Variants in AKT3 observed in about 807,000 individuals in gnomAD.
AKT3 encodes AKT serine/threonine kinase 3, also known as RAC-gamma serine/threonine-protein kinase.
In AKT3, 15 loss-of-function variants were observed where a neutral mutation model predicts 65.3. That is an observed-to-expected ratio of 0.23 (90% CI 0.15 to 0.35). The LOEUF is 0.35. Among genes scored for constraint, AKT3 ranks in the 10% least tolerant of loss-of-function variants. AKT3 has a pLI of 1.00. For synonymous variants in AKT3, 206 were observed against 183.8 expected (o/e 1.12, Z -0.98); for missense variants, 243 against 576.5 (o/e 0.42, Z 5.92).
intron 3 of AKT3, among the ~76,000 whole-genome samples, chr1:243,685,595 T>C (rs940804395): frequency 1.3e-5 from 2 of 152,152 alleles, no homozygotes; most frequent in African/African-American, 4.8e-5. Flanking sequence ...TGTAGTATAG[T>C]ATGAAGTCAG....
chr1:243,521,273 TGCC>T (rs1420955607), intron 12 of AKT3, among the ~76,000 whole-genome samples: 1 of 152,194 alleles, frequency 6.6e-6, no homozygotes, highest in Admixed American at 6.5e-5. Flanking sequence ...AGTAAAGAAT[TGCC>T]AACACTATTG....
At chr1:243,721,823 A>G (rs1454342865) in intron 2 of AKT3, among the ~76,000 whole-genome samples, 1 of 152,150 alleles carries the variant, frequency 6.6e-6, no homozygotes, top group Non-Finnish European at 1.5e-5. Flanking sequence ...AGTATTAGAT[A>G]ACACTCCTGT....
intron 2 of AKT3, among the ~76,000 whole-genome samples, chr1:243,813,637 T>C (rs1693328974): frequency 6.6e-6 from 1 of 152,112 alleles, no homozygotes; most frequent in African/African-American, 2.4e-5. Context: ...TTTTAAAAAA[T>C]TTATAAACTT....
At chr1:243,716,723 T>A (rs532822661) in intron 2 of AKT3, among the ~76,000 whole-genome samples, 1 of 152,186 alleles carries the variant, frequency 6.6e-6, no homozygotes, top group Non-Finnish European at 1.5e-5. Context: ...ATAATGATGT[T>A]GTGGAAAAAA....
At chr1:243,595,279 T>C (rs1371763092) in intron 8 of AKT3, among the ~76,000 whole-genome samples, 1 of 152,096 alleles carries the variant, frequency 6.6e-6, no homozygotes, top group Non-Finnish European at 1.5e-5. Context: ...ATATAGAAGA[T>C]TTAAAAACGA....
intron 2 of AKT3, among the ~76,000 whole-genome samples, chr1:243,819,697 AC>A (rs145050503): frequency 6.6e-6 from 1 of 151,296 alleles, no homozygotes; most frequent in Non-Finnish European, 1.5e-5. Context: ...ACTGAGAGAG[AC>A]CCCCCCAACA....
In AKT3 at chr1:243,544,487, T is replaced by G. The variant is rs548836962; in HGVS notation, c.1251+1023A>C. On this transcript the variant is annotated intron_variant, in intron 12 of 13. Coordinates refer to ENST00000673466, the MANE Select transcript of AKT3 (RefSeq NM_005465.7). ...CAAAAACGTAGGCAGGTATGGTGGC[T>G]CATGCCTGCAGTCCGAGCTACTTGG... Among the ~76,000 whole-genome samples the G allele has an allele frequency of 1.5e-3, 225 of 151,964 alleles. 1 individual carries two copies. Among genetic ancestry groups the G allele is most frequent in the Non-Finnish European group, 2.6e-3 (178 of 67,948 alleles).
At chr1:243,712,032 C>G (rs1686193952) in intron 2 of AKT3, among the ~76,000 whole-genome samples, 1 of 152,186 alleles carries the variant, frequency 6.6e-6, no homozygotes, top group South Asian at 2.1e-4. Context: ...ATCCTGACCA[C>G]TGACAAACCA....
Position 243,613,684 on chromosome 1 carries a change from A to C in AKT3, c.683T>G (p.Val228Gly). The change falls in exon 8 of 14, where the codon GTT (valine) becomes GGT (glycine). Residue 228 changes from valine to glycine, a missense_variant. Val to Gly is a moderately radical substitution (Grantham distance 109, BLOSUM62 -3). This residue lies in a region of AKT3 where 61 missense variants were observed against 163.3 expected (regional missense o/e 0.37). Transcript: ENST00000673466. ...TTCTTGACTCACCTCGCCCCCATTA[A>C]CATATTCCATCACAAAACACAAACG... ...KDRLCFVMEY[V>G]NGGELFFHLS... 6.3e-7 allele frequency: 1 copy of C among 1,595,664 alleles called. No homozygotes were observed. The highest frequency in any genetic ancestry group is 8.5e-7 in the Non-Finnish European group (1 of 1,170,072).
At chr1:243,713,915 GTA>G (rs1686321812) in intron 2 of AKT3, among the ~76,000 whole-genome samples, 1 of 152,020 alleles carries the variant, frequency 6.6e-6, no homozygotes, top group Non-Finnish European at 1.5e-5. Flanking sequence ...GGCTCACACA[GTA>G]ATTAGTATAA....
intron 12 of AKT3, among the ~76,000 whole-genome samples, chr1:243,536,290 A>G (rs1355992863): frequency 1.3e-5 from 2 of 152,150 alleles, no homozygotes; most frequent in South Asian, 2.1e-4. Flanking sequence ...TAAGTCACAC[A>G]TTCTTTGCCT....
intron 2 of AKT3, among the ~76,000 whole-genome samples, chr1:243,793,040 C>A (rs1479356229): frequency 6.6e-6 from 1 of 152,182 alleles, no homozygotes; most frequent in Non-Finnish European, 1.5e-5. Context: ...CTGTGCAAAT[C>A]AGGAGTAACA....
intron 2 of AKT3, among the ~76,000 whole-genome samples, chr1:243,718,708 C>T (rs1013667648): frequency 1.1e-4 from 16 of 151,916 alleles, no homozygotes; most frequent in Admixed American, 6.6e-4. Flanking sequence ...CTCCTGACCT[C>T]GTGATCTGCC....
chr1:243,806,792 T>C (rs1207967007), intron 2 of AKT3, among the ~76,000 whole-genome samples: 2 of 152,210 alleles, frequency 1.3e-5, no homozygotes, highest in African/African-American at 4.8e-5. Context: ...TATGCATACA[T>C]GGAACTCAAA....
chr1:243,710,981 T>C (rs999519879), intron 2 of AKT3, among the ~76,000 whole-genome samples: 1 of 152,156 alleles, frequency 6.6e-6, no homozygotes, highest in Non-Finnish European at 1.5e-5. Context: ...CAAAATAAAC[T>C]GAGGTTACTT....
At chr1:243,810,474 A>G (rs1355068288) in intron 2 of AKT3, among the ~76,000 whole-genome samples, 1 of 152,232 alleles carries the variant, frequency 6.6e-6, no homozygotes, top group Non-Finnish European at 1.5e-5. Context: ...AGACTAAACC[A>G]GGAAGAAGTT....
intron 12 of AKT3, among the ~76,000 whole-genome samples, chr1:243,535,184 TAATTTTAAAATATATTTTAA>T (rs1671828472): frequency 6.8e-6 from 1 of 148,126 alleles, no homozygotes; most frequent in South Asian, 2.1e-4. Flanking sequence ...AATTTTAAAA[TAATTTTAAAATATATTTTAA>T]AATTATTTTA....
At chr1:243,505,827 G>C (rs1669632515) in intron 13 of AKT3, among the ~76,000 whole-genome samples, 1 of 152,198 alleles carries the variant, frequency 6.6e-6, no homozygotes, top group Non-Finnish European at 1.5e-5. Context: ...CTAGCATCTG[G>C]CTTAACTCAC....
chr1:243,584,022 T>A (rs763629509), intron 8 of AKT3, among the ~76,000 whole-genome samples: 2 of 152,112 alleles, frequency 1.3e-5, no homozygotes, highest in African/African-American at 4.8e-5. Context: ...AATGAAATGA[T>A]GAAGCCAAAA....
Sources: gnomAD v4.1 joint callset for allele counts (sites outside exome capture counted in the v4.1 genomes callset) on GRCh38, gnomAD v4.1.1 for gene constraint, gnomAD v4.1.1 regional missense constraint, MANE v1.5 for transcripts, NCBI Gene and HGNC (gene_info 2026-07-23, HGNC 2026-07-21) for gene names.